C2CD5: variants seen among roughly 807,000 people sequenced by gnomAD.
C2CD5 encodes the protein C2 calcium dependent domain containing 5.
In C2CD5, 109 loss-of-function variants were observed where a neutral mutation model predicts 130.3. The observed-to-expected ratio is 0.84, with a 90% CI of 0.72 to 0.98. The LOEUF is 0.98. Ranked by LOEUF, C2CD5 falls within the 50% of genes least tolerant of loss-of-function variation. The pLI, the probability that C2CD5 is intolerant of heterozygous loss-of-function variation, is 0.00. For synonymous variants in C2CD5, 454 were observed against 429.2 expected (o/e 1.06, Z -0.71); for missense variants, 996 against 1,261.8 (o/e 0.79, Z 3.19).
At position 22,520,755 on chromosome 12, in the gene C2CD5, T is replaced by A. The variant is rs190798144; in HGVS notation, c.801-2618A>T. ...TAAGTAAAGAAGCAATAACTCATACTTAAAAGCACTTTCTATTGTCAAGAG... is the reference window on the plus strand; with the variant it reads ...TAAGTAAAGAAGCAATAACTCATACATAAAAGCACTTTCTATTGTCAAGAG... On this transcript the variant is annotated intron_variant, in intron 7 of 26. Transcript: ENST00000446597. Among the ~76,000 whole-genome samples the A allele has an allele frequency of 3.4e-4, 52 of 152,252 alleles. No individual in the cohort carries two copies. The East Asian group carries it at 4.4e-3, about 13-fold the overall frequency.
chr12:22,521,621 G>A (rs1374447844), intron 7 of C2CD5, among the ~76,000 whole-genome samples: 2 of 152,164 alleles, frequency 1.3e-5, no homozygotes, highest in African/African-American at 4.8e-5. Flanking sequence ...TGACTCTACT[G>A]CTGGCAGCTG....
intron 25 of C2CD5, 52 bp from the exon 26 acceptor site, chr12:22,454,094 T>C (rs563107214): frequency 2.9e-6 from 4 of 1,396,712 alleles, no homozygotes; most frequent in African/African-American, 1.4e-5. Flanking sequence ...TGTATGGATA[T>C]AGGAATGCAC....
intron 2 of C2CD5, among the ~76,000 whole-genome samples, chr12:22,539,176 T>A (rs1170628191): frequency 6.6e-6 from 1 of 152,214 alleles, no homozygotes; most frequent in Non-Finnish European, 1.5e-5. Flanking sequence ...CACTACAGGA[T>A]GGGATTCCAC....
intron 25 of C2CD5, among the ~76,000 whole-genome samples, chr12:22,455,609 T>C (rs1939675162): frequency 6.6e-6 from 1 of 152,238 alleles, no homozygotes; most frequent in Non-Finnish European, 1.5e-5. Flanking sequence ...TTTAATTCTC[T>C]ATCCAAAGGC....
chr12:22,534,782 G>A (rs1951667855), intron 3 of C2CD5: 1 of 153,410 alleles, frequency 6.5e-6, no homozygotes, highest in Non-Finnish European at 1.4e-5. Context: ...GGAGGGAATG[G>A]GAAGTTATTG....
chr12:22,540,860 A>G (rs1363895549), intron 2 of C2CD5, among the ~76,000 whole-genome samples: 1 of 152,218 alleles, frequency 6.6e-6, no homozygotes, highest in African/African-American at 2.4e-5. Context: ...CTCTATCTCA[A>G]AAAAATAATA....
intron 26 of C2CD5, among the ~76,000 whole-genome samples, chr12:22,450,607 T>C (rs972403913): frequency 3.8e-4 from 58 of 152,198 alleles, no homozygotes; most frequent in African/African-American, 1.3e-3. Context: ...TCTATATTTA[T>C]ATAAAGAATA....
chr12:22,450,680 T>G (rs965430523), intron 26 of C2CD5, among the ~76,000 whole-genome samples: 9 of 152,110 alleles, frequency 5.9e-5, no homozygotes, highest in Non-Finnish European at 5.9e-5. Flanking sequence ...AGGTACTACT[T>G]TGACCTAGCA....
rs1591894828 is a variant in C2CD5 at position 22,449,610 on chromosome 12, C to T, written c.*150G>A. 4 of 652,664 alleles carry T rather than the reference C, an allele frequency of 6.1e-6. No individual in the cohort carries two copies. The highest frequency in any genetic ancestry group is 7.5e-6 in the Non-Finnish European group (3 of 399,904). 40.4% of individuals were successfully genotyped at this position (652,664 alleles called of 1,614,324 possible). On this transcript the variant is annotated 3_prime_UTR_variant, in exon 27 of 27. Coordinates refer to ENST00000446597, the MANE Select transcript of C2CD5 (RefSeq NM_001286176.2). ...CAAAATGTCAAGATTAGAAAATTCTCATGCCTCCAAAAGACTCCAGGCAAA... is the reference window on the plus strand; with the variant it reads ...CAAAATGTCAAGATTAGAAAATTCTTATGCCTCCAAAAGACTCCAGGCAAA...
chr12:22,478,236 G>T, intron 15 of C2CD5, 77 bp downstream of exon 15: 2 of 1,207,840 alleles, frequency 1.7e-6, no homozygotes, highest in Non-Finnish European at 1.2e-6. Context: ...AAAATCTTGT[G>T]TCCTCAATAA....
intron 10 of C2CD5, among the ~76,000 whole-genome samples, chr12:22,504,837 T>G (rs1351391063): frequency 6.8e-6 from 1 of 147,106 alleles, no homozygotes; most frequent in East Asian, 4.5e-4. Context: ...ATATAGAATT[T>G]GGCATAGTCT....
At chr12:22,466,878 A>T (rs920988871) in intron 22 of C2CD5, among the ~76,000 whole-genome samples, 1 of 152,362 alleles carries the variant, frequency 6.6e-6, no homozygotes, top group South Asian at 2.1e-4. Flanking sequence ...TCTGATGATG[A>T]TGATGACAAT....
At chr12:22,508,771 T>C (rs957697736) in intron 9 of C2CD5, among the ~76,000 whole-genome samples, 2 of 152,154 alleles carry the variant, frequency 1.3e-5, no homozygotes, top group African/African-American at 4.8e-5. Context: ...TTTTTCAGTG[T>C]TAGGATCACT....
intron 13 of C2CD5, among the ~76,000 whole-genome samples, 170 bp from the exon 14 acceptor site, chr12:22,482,913 C>A (rs1017001340): frequency 2.0e-5 from 3 of 152,002 alleles, no homozygotes; most frequent in Non-Finnish European, 4.4e-5. Flanking sequence ...TAAACTTGCA[C>A]TAAAAATCCT....
Position 22,513,332 on chromosome 12 carries a change from G to C in C2CD5, c.1000C>G (p.Leu334Val). 6.2e-7 allele frequency: 1 copy of C among 1,612,354 alleles called. No homozygotes were observed. Among genetic ancestry groups the C allele is most frequent in the Non-Finnish European group, 8.5e-7 (1 of 1,178,598 alleles). ...AGKEGGPFKALLRQQTQSALE... is the reference protein window; with the variant it reads ...AGKEGGPFKAVLRQQTQSALE... ...GCTGATTGAGTCTGTTGTCTTAAAA[G>C]AGCTTTAAAGGGCCCCCCTTCTTTT... The change falls in exon 9 of 27, where the codon CTT becomes GTT. Residue 334 changes from leucine to valine, a missense_variant. By Grantham distance (32) the Leu-to-Val change is conservative. Transcript: ENST00000446597.
chr12:22,506,580 AG>A, intron 10 of C2CD5, 130 bp downstream of exon 10: 1 of 585,272 alleles, frequency 1.7e-6, no homozygotes, highest in Non-Finnish European at 3.1e-6. Flanking sequence ...AATATATTAA[AG>A]TAACGTGCTA....
In C2CD5 at chr12:22,523,517, G is replaced by T. The variant is rs201859658; in HGVS notation, c.709C>A (p.Arg237=). ...DLEGESGLVV[R]AIGTACTLDK... ...AGAGTACACGCCGTTCCTATGGCTC[G>T]CACCACTAACCCAGACTCGCCCTCC... The change falls in exon 7 of 27, where the codon CGA becomes AGA. Residue 237 remains arginine, a synonymous_variant. Coordinates refer to ENST00000446597, the MANE Select transcript of C2CD5 (RefSeq NM_001286176.2). The T allele has an allele frequency of 1.2e-6, 2 of 1,610,464 alleles. No individual in the cohort carries two copies. Among genetic ancestry groups the T allele is most frequent in the East Asian group, 4.5e-5 (2 of 44,398 alleles).
chr12:22,530,077 T>TAC (rs2137132881), intron 3 of C2CD5, among the ~76,000 whole-genome samples: 2 of 54,310 alleles, frequency 3.7e-5, no homozygotes, highest in Admixed American at 4.1e-4. Flanking sequence ...ATTTGAGTGC[T>TAC]ATATATATAT....
intron 4 of C2CD5, among the ~76,000 whole-genome samples, chr12:22,527,023 T>C (rs1014052088): frequency 1.3e-5 from 2 of 152,198 alleles, no homozygotes; most frequent in Non-Finnish European, 2.9e-5. Context: ...TGTCATGGCA[T>C]GTGCCTGCAA....
Sources: gnomAD v4.1 joint callset for allele counts (sites outside exome capture counted in the v4.1 genomes callset) on GRCh38, gnomAD v4.1.1 for gene constraint, MANE v1.5 for transcripts, NCBI Gene and HGNC (gene_info 2026-07-23, HGNC 2026-07-21) for gene names.